The following OSBPL1A variants were observed in gnomAD, a reference collection of about 807,000 sequenced individuals.
OSBPL1A encodes oxysterol-binding protein-related protein 1.
A neutral mutation model predicts 137.1 loss-of-function variants in OSBPL1A; 80 were observed. The ratio of observed to expected loss-of-function variants is 0.58; its 90% CI spans 0.49 to 0.70. The LOEUF (loss-of-function observed/expected upper bound fraction) is 0.70. OSBPL1A is among the 30% of genes least tolerant of loss of function. The pLI is 0.00. For missense variants in OSBPL1A, 970 were observed against 1,129.4 expected (o/e 0.86, Z 2.02); for synonymous variants, 365 against 389.7 (o/e 0.94, Z 0.75).
intron 16 of OSBPL1A, among the ~76,000 whole-genome samples, chr18:24,238,059 T>TC (rs1333259202): frequency 6.6e-6 from 1 of 152,172 alleles, no homozygotes; most frequent in East Asian, 1.9e-4. Flanking sequence ...ATCAATCACT[T>TC]CCCCGTCAAT....
At chr18:24,281,700 T>C (rs1187196439) in intron 14 of OSBPL1A, among the ~76,000 whole-genome samples, 1 of 152,194 alleles carries the variant, frequency 6.6e-6, no homozygotes, top group Non-Finnish European at 1.5e-5. Context: ...CTCATGTTTC[T>C]TGGGCATCAT....
chr18:24,344,706 G>A (rs1240919863), intron 4 of OSBPL1A, among the ~76,000 whole-genome samples: 1 of 152,162 alleles, frequency 6.6e-6, no homozygotes, highest in Non-Finnish European at 1.5e-5. Context: ...AGCAACAGGT[G>A]AAAGTGCCGA....
At chr18:24,172,127 G>A (rs1272869324) in intron 22 of OSBPL1A, among the ~76,000 whole-genome samples, 2 of 151,990 alleles carry the variant, frequency 1.3e-5, no homozygotes, top group Non-Finnish European at 2.9e-5. Context: ...TTTTAGTAGA[G>A]ACGGGGTTTC....
intron 15 of OSBPL1A, chr18:24,272,065 C>T: frequency 5.1e-6 from 5 of 982,826 alleles, no homozygotes; most frequent in Non-Finnish European, 6.0e-6. Flanking sequence ...TTCCCCAGCG[C>T]CGCTGGCGGG....
chr18:24,209,766 C>T (rs904617547), intron 17 of OSBPL1A, among the ~76,000 whole-genome samples: 1 of 152,142 alleles, frequency 6.6e-6, no homozygotes, highest in African/African-American at 2.4e-5. Context: ...TGACTAACGC[C>T]ACATTCAAGG....
intron 1 of OSBPL1A, among the ~76,000 whole-genome samples, chr18:24,397,098 T>A (rs542311413): frequency 6.6e-6 from 1 of 152,342 alleles, no homozygotes; most frequent in African/African-American, 2.4e-5. Flanking sequence ...CAATGCCTCC[T>A]GCCAATCATT....
At chr18:24,252,098 A>C (rs761623141) in intron 15 of OSBPL1A, among the ~76,000 whole-genome samples, 2 of 152,190 alleles carry the variant, frequency 1.3e-5, no homozygotes, top group Non-Finnish European at 2.9e-5. Context: ...AAAAGGGAAA[A>C]TCTCAGTGTT....
intron 2 of OSBPL1A, among the ~76,000 whole-genome samples, chr18:24,372,942 T>C (rs1905782402): frequency 6.6e-6 from 1 of 152,016 alleles, no homozygotes; most frequent in Non-Finnish European, 1.5e-5. Context: ...TGGGCGCCTG[T>C]AGTCCCAGCT....
chr18:24,348,500 T>C (rs988869655), intron 4 of OSBPL1A, among the ~76,000 whole-genome samples: 9 of 152,176 alleles, frequency 5.9e-5, no homozygotes, highest in African/African-American at 2.2e-4. Flanking sequence ...AGGCCAGGCA[T>C]GGTGGCTCAC....
intron 15 of OSBPL1A, among the ~76,000 whole-genome samples, chr18:24,268,185 G>A (rs984516329): frequency 3.3e-5 from 5 of 151,882 alleles, no homozygotes; most frequent in African/African-American, 1.2e-4. Context: ...GTGCAGTCTC[G>A]GCTCACTGCA....
At chr18:24,255,588 A>G (rs2089248257) in intron 15 of OSBPL1A, among the ~76,000 whole-genome samples, 1 of 152,074 alleles carries the variant, frequency 6.6e-6, no homozygotes. Flanking sequence ...CCCTCCTTCC[A>G]GTCTTCCCAC....
intron 1 of OSBPL1A, among the ~76,000 whole-genome samples, chr18:24,378,468 T>C (rs1906354762): frequency 6.6e-6 from 1 of 152,238 alleles, no homozygotes; most frequent in African/African-American, 2.4e-5. Context: ...AAATCTATCC[T>C]GCAAAAACAT....
intron 4 of OSBPL1A, among the ~76,000 whole-genome samples, chr18:24,363,566 C>A (rs1351597129): frequency 6.6e-6 from 1 of 151,568 alleles, no homozygotes; most frequent in Non-Finnish European, 1.5e-5. Context: ...CCTGCCTCAG[C>A]CTCCCGAGTA....
intron 16 of OSBPL1A, among the ~76,000 whole-genome samples, chr18:24,232,285 G>C (rs1389801066): frequency 6.6e-6 from 1 of 152,190 alleles, no homozygotes; most frequent in Non-Finnish European, 1.5e-5. Flanking sequence ...GCTGCCAAGA[G>C]ACTGCTGCAA....
chr18:24,237,393 T>C (rs1220694908), intron 16 of OSBPL1A, among the ~76,000 whole-genome samples: 1 of 152,136 alleles, frequency 6.6e-6, no homozygotes, highest in Non-Finnish European at 1.5e-5. Flanking sequence ...CAACCTCTAC[T>C]TCCTGGGCTT....
chr18:24,278,946 A>G (rs2089899743), intron 15 of OSBPL1A, among the ~76,000 whole-genome samples: 1 of 152,218 alleles, frequency 6.6e-6, no homozygotes, highest in Non-Finnish European at 1.5e-5. Context: ...GTATTAAAAA[A>G]TCAACCATTT....
chr18:24,180,929 A>T (rs73408127), intron 19 of OSBPL1A, among the ~76,000 whole-genome samples: 4,233 of 152,304 alleles, frequency 0.028, 150 homozygotes, highest in African/African-American at 0.087. Flanking sequence ...AGGTTTGCTT[A>T]ATGGGCCACC....
rs1460723524 is a variant in OSBPL1A at position 24,165,053 on chromosome 18, T to C, written c.2750+12A>G. The C allele has an allele frequency of 6.2e-7, 1 of 1,614,032 alleles. No homozygotes were observed. Among genetic ancestry groups the C allele is most frequent in the East Asian group, 2.2e-5 (1 of 44,880 alleles). On this transcript the variant is annotated intron_variant, in intron 27 of 27. Coordinates refer to ENST00000319481, the MANE Select transcript of OSBPL1A (RefSeq NM_080597.4). ...TGAGGGCTCAGCCACACCCCCTGAC[T>C]CAGGCACGCACCTCGTCTTCCAGTC...
At chr18:24,187,909 C>A (rs2086792036) in intron 18 of OSBPL1A, among the ~76,000 whole-genome samples, 1 of 152,202 alleles carries the variant, frequency 6.6e-6, no homozygotes, top group African/African-American at 2.4e-5. Flanking sequence ...CCAGTGACAG[C>A]CAGTAGGTGA....
Sources: gnomAD v4.1 joint callset for allele counts (sites outside exome capture counted in the v4.1 genomes callset) on GRCh38, gnomAD v4.1.1 for gene constraint, MANE v1.5 for transcripts, NCBI Gene and HGNC (gene_info 2026-07-23, HGNC 2026-07-21) for gene names.